ANO2: variants seen among roughly 807,000 people sequenced by gnomAD.
ANO2 encodes the protein anoctamin 2.
In ANO2, 101 loss-of-function variants were observed where a neutral mutation model predicts 124.2. That is an observed-to-expected ratio of 0.81 (90% confidence interval 0.69 to 0.96). ANO2 has a LOEUF of 0.96. Ranked by LOEUF, ANO2 falls within the 40% of genes least tolerant of loss-of-function variation. The pLI is 0.00. For missense variants in ANO2, 1,293 were observed against 1,274.5 expected, an observed-to-expected ratio of 1.01 and a Z score of -0.22; for synonymous variants, 486 against 482.5, an observed-to-expected ratio of 1.01 and a Z score of -0.09.
At position 5,658,263 on chromosome 12, in the gene ANO2, T is replaced by C. The variant is rs1947260917; in HGVS notation, c.1546-10462A>G. 6.6e-6 allele frequency among the ~76,000 whole-genome samples: 1 copy of C among 152,098 alleles called. No individual in the cohort carries two copies. The highest frequency in any genetic ancestry group is 1.5e-5 in the Non-Finnish European group (1 of 68,008). ...TCACCCATAACAAAGAGATTGAAAA[T>C]AGTGCCAACGGTATGAGATTGCTGC... On this transcript the variant is annotated intron_variant, in intron 14 of 24. Transcript: ENST00000682330. The surrounding 1 kb of genome is among the most constrained non-coding windows in gnomAD (Gnocchi z 4.3).
intron 14 of ANO2, among the ~76,000 whole-genome samples, chr12:5,692,238 T>G (rs1191082202): frequency 6.6e-6 from 1 of 151,712 alleles, no homozygotes; most frequent in African/African-American, 2.4e-5. Flanking sequence ...AGTAGTAGAG[T>G]TAAAGGCACT....
intron 2 of ANO2, 125 bp from the exon 3 acceptor site, chr12:5,921,491 C>T: frequency 3.5e-6 from 3 of 851,464 alleles, no homozygotes; most frequent in East Asian, 2.7e-5. Context: ...GGCCCAAAGG[C>T]CCCCAGTGCC....
chr12:5,901,662 G>A (rs150935098), intron 3 of ANO2, among the ~76,000 whole-genome samples: 3 of 152,280 alleles, frequency 2.0e-5, no homozygotes, highest in Non-Finnish European at 2.9e-5. Context: ...TGCAGGAGAC[G>A]AGAGATGGAG....
At chr12:5,790,357 G>A (rs1043887159) in intron 10 of ANO2, among the ~76,000 whole-genome samples, 14 of 152,094 alleles carry the variant, frequency 9.2e-5, no homozygotes, top group African/African-American at 3.4e-4. Flanking sequence ...GAAACCACCT[G>A]AGATCCTCTC....
At chr12:5,697,288 C>G (rs1367752899) in intron 14 of ANO2, among the ~76,000 whole-genome samples, 1 of 151,828 alleles carries the variant, frequency 6.6e-6, no homozygotes, top group Non-Finnish European at 1.5e-5. Context: ...AAAAATTAGC[C>G]GGGCGTGGTG....
In ANO2 at chr12:5,698,474, G is replaced by T. The variant is rs148679853; in HGVS notation, c.1545+34046C>A. ...TCACCATCATCAAAGACCAAAGGTA[G>T]ATAAAACCACAAAGATGAGGAGAAA... On this transcript the variant is annotated intron_variant, in intron 14 of 24. Transcript: ENST00000682330. Among the ~76,000 whole-genome samples the T allele has an allele frequency of 6.8e-3, 1,037 of 152,286 alleles. 10 individuals carry two copies. The highest frequency in any genetic ancestry group is 0.024 in the African/African-American group (1,009 of 41,548).
intron 14 of ANO2, among the ~76,000 whole-genome samples, chr12:5,707,235 T>G (rs1362858381): frequency 6.6e-6 from 1 of 152,188 alleles, no homozygotes; most frequent in African/African-American, 2.4e-5. Flanking sequence ...ATATAAGATG[T>G]GCTTTGCCTC....
At chr12:5,872,633 T>C (rs1015204685) in intron 3 of ANO2, among the ~76,000 whole-genome samples, 2 of 152,084 alleles carry the variant, frequency 1.3e-5, no homozygotes, top group African/African-American at 4.8e-5. Flanking sequence ...GAAAATTACA[T>C]CTTAATTTTT....
At chr12:5,800,532 TG>T (rs1953007353) in intron 9 of ANO2, among the ~76,000 whole-genome samples, 1 of 152,162 alleles carries the variant, frequency 6.6e-6, no homozygotes, top group Non-Finnish European at 1.5e-5. Context: ...GCTTGCACCA[TG>T]GGGGCAGCAG....
intron 20 of ANO2, among the ~76,000 whole-genome samples, chr12:5,582,071 T>C (rs932613714): frequency 6.6e-6 from 1 of 152,224 alleles, no homozygotes; most frequent in Admixed American, 6.5e-5. Context: ...GAGGATACAA[T>C]GATACCGGCT....
In ANO2 at chr12:5,764,989, T is replaced by C. The variant is rs181222714; in HGVS notation, c.1056-14019A>G. ...AATAGGATATTGTGAGAGACTCTTC[T>C]AACTATCCATATAAACAGTTGACTA... On this transcript the variant is annotated intron_variant, in intron 10 of 24. Coordinates refer to ENST00000682330, the MANE Select transcript of ANO2 (RefSeq NM_001364791.2). Among the ~76,000 whole-genome samples, 646 of 152,320 alleles carry C rather than the reference T, an allele frequency of 4.2e-3. 1 individual carries two copies. The highest frequency in any genetic ancestry group is 6.6e-3 in the Non-Finnish European group (448 of 68,034).
chr12:5,578,674 G>A (rs1390435292), intron 20 of ANO2, among the ~76,000 whole-genome samples, 156 bp from the exon 21 acceptor site: 1 of 152,158 alleles, frequency 6.6e-6, no homozygotes, highest in Admixed American at 6.5e-5. Context: ...CACATACACG[G>A]TATTTCTTTC....
chr12:5,740,715 G>A (rs1565630472), intron 12 of ANO2, among the ~76,000 whole-genome samples: 1 of 152,166 alleles, frequency 6.6e-6, no homozygotes, highest in Non-Finnish European at 1.5e-5. Flanking sequence ...AGTGGGCAGA[G>A]GAAGGGTGCC....
At chr12:5,620,561 T>C (rs1324309646) in intron 16 of ANO2, among the ~76,000 whole-genome samples, 1 of 152,014 alleles carries the variant, frequency 6.6e-6, no homozygotes, top group African/African-American at 2.4e-5. Context: ...AGGAGTTGAA[T>C]TGGAATTCTA....
At chr12:5,739,700 C>A (rs73048247) in intron 12 of ANO2, among the ~76,000 whole-genome samples, 1 of 151,704 alleles carries the variant, frequency 6.6e-6, no homozygotes, top group African/African-American at 2.4e-5. Flanking sequence ...GTAAGGATGG[C>A]GGGATGAAGA....
At chr12:5,716,482 C>T (rs1357633199) in intron 14 of ANO2, among the ~76,000 whole-genome samples, 1 of 152,080 alleles carries the variant, frequency 6.6e-6, no homozygotes, top group African/African-American at 2.4e-5. Context: ...CACAGTGGTG[C>T]TAGGAGGATT....
chr12:5,867,144 C>T (rs1565735056), intron 3 of ANO2, among the ~76,000 whole-genome samples: 1 of 152,362 alleles, frequency 6.6e-6, no homozygotes, highest in Non-Finnish European at 1.5e-5. Flanking sequence ...AGAGATCTTA[C>T]ACAAAGAGGC....
intron 20 of ANO2, among the ~76,000 whole-genome samples, chr12:5,589,517 A>T (rs1943290174): frequency 6.6e-6 from 1 of 152,190 alleles, no homozygotes; most frequent in Non-Finnish European, 1.5e-5. Context: ...GACATAAATG[A>T]TACACTCATT....
intron 14 of ANO2, among the ~76,000 whole-genome samples, chr12:5,722,486 G>A (rs905331516): frequency 2.6e-5 from 4 of 152,174 alleles, no homozygotes; most frequent in East Asian, 1.9e-4. Flanking sequence ...CAGCCTGGGC[G>A]ACAGAACGAG....
Sources: allele counts gnomAD v4.1 joint callset (sites outside exome capture counted in the v4.1 genomes callset), GRCh38; gene constraint gnomAD v4.1.1; non-coding constraint Gnocchi (gnomAD v3.1); transcripts MANE v1.5; gene names NCBI Gene and HGNC (gene_info 2026-07-23, HGNC 2026-07-21).